The following GRM3 variants were observed in gnomAD, a reference collection of about 807,000 sequenced individuals.
GRM3 encodes metabotropic glutamate receptor 3.
In GRM3, 26 loss-of-function variants were observed where a neutral mutation model predicts 70.5. The observed-to-expected ratio is 0.37, with a 90% confidence interval of 0.27 to 0.51. The LOEUF is 0.51. GRM3 is among the 20% of genes least tolerant of loss of function. The pLI, the probability that GRM3 is intolerant of heterozygous loss-of-function variation, is 0.93. For missense variants in GRM3, 859 were observed against 1,123.8 expected (o/e 0.76, Z 3.37); for synonymous variants, 443 against 434.9 (o/e 1.02, Z -0.23).
At chr7:86,836,376 T>A (rs949845376) in intron 3 of GRM3, among the ~76,000 whole-genome samples, 1 of 152,192 alleles carries the variant, frequency 6.6e-6, no homozygotes, top group Non-Finnish European at 1.5e-5. Context: ...TAAGAATATT[T>A]AAGTAGCTTG....
chr7:86,717,751 TA>T (rs1795355111), intron 1 of GRM3, among the ~76,000 whole-genome samples: 1 of 151,966 alleles, frequency 6.6e-6, no homozygotes, highest in Admixed American at 6.6e-5. Flanking sequence ...TACTAAACTC[TA>T]AGTGAAAAGA....
chr7:86,697,008 A>G, intron 1 of GRM3, among the ~76,000 whole-genome samples: 1 of 152,162 alleles, frequency 6.6e-6, no homozygotes, highest in East Asian at 1.9e-4. Flanking sequence ...AAAGATGTCT[A>G]TTTCTTATAG....
intron 1 of GRM3, among the ~76,000 whole-genome samples, chr7:86,731,453 A>G (rs1160885591): frequency 3.9e-5 from 6 of 152,170 alleles, no homozygotes; most frequent in Non-Finnish European, 7.3e-5. Context: ...TGCTTTTATT[A>G]AACTCTATGA....
At chr7:86,715,442 C>T (rs899375328) in intron 1 of GRM3, among the ~76,000 whole-genome samples, 3 of 151,898 alleles carry the variant, frequency 2.0e-5, no homozygotes, top group Non-Finnish European at 2.9e-5. Flanking sequence ...ATTGTGAGAA[C>T]TAAATGAGGC....
intron 1 of GRM3, among the ~76,000 whole-genome samples, chr7:86,709,912 A>G (rs1343525367): frequency 1.3e-5 from 2 of 152,152 alleles, no homozygotes; most frequent in East Asian, 1.9e-4. Flanking sequence ...GACTTTAAGG[A>G]AACATTTGTC....
intron 1 of GRM3, among the ~76,000 whole-genome samples, chr7:86,757,620 A>G (rs1796379161): frequency 1.3e-5 from 2 of 152,152 alleles, no homozygotes; most frequent in African/African-American, 4.8e-5. Context: ...CATGCAGCTC[A>G]CTGCCCCACA....
At chr7:86,803,662 A>T (rs752398921) in intron 3 of GRM3, among the ~76,000 whole-genome samples, 1 of 152,178 alleles carries the variant, frequency 6.6e-6, no homozygotes, top group African/African-American at 2.4e-5. Context: ...AAGTCATCCA[A>T]GTTACTTGGC....
In GRM3 at chr7:86,786,015, T is replaced by C; in HGVS notation, c.469-246T>C. On this transcript the variant is annotated intron_variant, in intron 2 of 5. Transcript: ENST00000361669. This position sits in a 1 kb window ranked among gnomAD's most constrained non-coding sequence, Gnocchi z 6.0. ...GAGTATAGAAGAGAGTGTGGTGCCCTTCTCATTTCTCTACTCTGCCCTTTC... is the reference window on the plus strand; with the variant it reads ...GAGTATAGAAGAGAGTGTGGTGCCCCTCTCATTTCTCTACTCTGCCCTTTC... The C allele has an allele frequency of 2.1e-6, 1 of 477,584 alleles. No individual in the cohort carries two copies. The highest frequency in any genetic ancestry group is 3.8e-6 in the Non-Finnish European group (1 of 260,366). The allele number at this position is 477,584 out of a possible 1,614,324, so 29.6% of individuals were successfully genotyped here. A position where few individuals can be genotyped will look rare whatever the true frequency, so the allele number is the denominator to read the frequency against.
chr7:86,759,216 A>G (rs1488933087), intron 1 of GRM3, among the ~76,000 whole-genome samples: 1 of 152,048 alleles, frequency 6.6e-6, no homozygotes, highest in Admixed American at 6.6e-5. Flanking sequence ...CAGACCAATA[A>G]CATGTATTCT....
intron 3 of GRM3, among the ~76,000 whole-genome samples, chr7:86,804,043 CAAAGAA>C (rs1797737397): frequency 6.6e-6 from 1 of 152,076 alleles, no homozygotes; most frequent in Admixed American, 6.5e-5. Flanking sequence ...CAACTACGGT[CAAAGAA>C]AAAGAACCCC....
chr7:86,822,159 G>A (rs1798135158), intron 3 of GRM3, among the ~76,000 whole-genome samples: 1 of 151,798 alleles, frequency 6.6e-6, no homozygotes, highest in Non-Finnish European at 1.5e-5. Context: ...TTTTACTAAA[G>A]CACACTAACG....
At chr7:86,709,869 G>A (rs568669322) in intron 1 of GRM3, among the ~76,000 whole-genome samples, 4 of 152,254 alleles carry the variant, frequency 2.6e-5, no homozygotes, top group East Asian at 1.9e-4. Flanking sequence ...GAGTGGAAGA[G>A]AGACATGCAA....
intron 1 of GRM3, among the ~76,000 whole-genome samples, chr7:86,754,719 T>A (rs1267263216): frequency 2.0e-5 from 3 of 152,148 alleles, no homozygotes. Context: ...TATTTGGGAA[T>A]CTTTTTGGGC....
chr7:86,753,052 C>T (rs1225669027), intron 1 of GRM3, among the ~76,000 whole-genome samples: 1 of 151,948 alleles, frequency 6.6e-6, no homozygotes, highest in Non-Finnish European at 1.5e-5. Flanking sequence ...TTACTGGAGA[C>T]CTTGGAACTT....
At chr7:86,844,071 A>G (rs910793285) in intron 4 of GRM3, among the ~76,000 whole-genome samples, 1 of 152,162 alleles carries the variant, frequency 6.6e-6, no homozygotes, top group African/African-American at 2.4e-5. Flanking sequence ...TGGGGGTTGG[A>G]GCAGATGAAA....
intron 1 of GRM3, among the ~76,000 whole-genome samples, chr7:86,734,787 T>G (rs1795816916): frequency 6.6e-6 from 1 of 152,178 alleles, no homozygotes; most frequent in Non-Finnish European, 1.5e-5. Context: ...TCATTTCCAC[T>G]TCCATAGTCC....
At chr7:86,822,696 G>A (rs1347358014) in intron 3 of GRM3, among the ~76,000 whole-genome samples, 2 of 152,146 alleles carry the variant, frequency 1.3e-5, no homozygotes, top group South Asian at 2.1e-4. Flanking sequence ...TTATTATGTA[G>A]GATGTAGTTC....
chr7:86,711,199 T>C (rs1313891240), intron 1 of GRM3, among the ~76,000 whole-genome samples: 1 of 151,918 alleles, frequency 6.6e-6, no homozygotes, highest in East Asian at 1.9e-4. Flanking sequence ...TTTATTATTA[T>C]TATACTTTAA....
intron 1 of GRM3, among the ~76,000 whole-genome samples, chr7:86,715,535 G>T (rs988640193): frequency 1.3e-5 from 2 of 151,892 alleles, no homozygotes; most frequent in Non-Finnish European, 2.9e-5. Flanking sequence ...TCCCTTGCCA[G>T]GCTGGCAGCT....
Sources: allele counts gnomAD v4.1 joint callset (sites outside exome capture counted in the v4.1 genomes callset), GRCh38; gene constraint gnomAD v4.1.1; non-coding constraint Gnocchi (gnomAD v3.1); transcripts MANE v1.5; gene names NCBI Gene and HGNC (gene_info 2026-07-23, HGNC 2026-07-21).